The following EGFLAM variants were observed in gnomAD, a reference collection of about 807,000 sequenced individuals.
EGFLAM encodes EGF like, fibronectin type III and laminin G domains.
In EGFLAM, 79 loss-of-function variants were observed where a neutral mutation model predicts 113.1. The observed-to-expected ratio is 0.70, with a 90% CI of 0.58 to 0.84. EGFLAM has a LOEUF of 0.84. EGFLAM is among the 40% of genes least tolerant of loss of function. The pLI is 0.00. For missense variants in EGFLAM, 1,265 were observed against 1,291.6 expected, an observed-to-expected ratio of 0.98 and a Z score of 0.32; for synonymous variants, 504 against 487.6, an observed-to-expected ratio of 1.03 and a Z score of -0.44.
chr5:38,410,431 C>T (rs1741440863), intron 10 of EGFLAM, among the ~76,000 whole-genome samples: 1 of 152,196 alleles, frequency 6.6e-6, no homozygotes, highest in Admixed American at 6.5e-5. Context: ...CTGCTATCCT[C>T]TTCAGGGTAA....
intron 6 of EGFLAM, chr5:38,402,102 G>A (rs967383096): frequency 1.3e-5 from 2 of 152,200 alleles, no homozygotes; most frequent in Non-Finnish European, 2.9e-5. Context: ...GGAGATAGGA[G>A]TGGGAAAAAG....
chr5:38,274,213 G>A (rs2561139), intron 1 of EGFLAM, among the ~76,000 whole-genome samples: 98,207 of 151,814 alleles, frequency 0.65, 33,590 homozygotes, highest in African/African-American at 0.87. Flanking sequence ...GGATAGCGTC[G>A]AAACAGCAAA....
chr5:38,258,866 C>G lies in EGFLAM; in HGVS notation c.97+15C>G. On this transcript the variant is annotated intron_variant, in intron 1 of 21. Transcript: ENST00000322350. ...CCGAAAACCAGGTAATGCGCTCCTC[C>G]GCCCAGAGCCACCACGCCCCGAGCG... 1.9e-6 allele frequency: 3 copies of G among 1,604,378 alleles called. No individual in the cohort carries two copies. The highest frequency in any genetic ancestry group is 2.6e-6 in the Non-Finnish European group (3 of 1,175,058).
chr5:38,347,486 C>G (rs1224425283), intron 3 of EGFLAM, among the ~76,000 whole-genome samples: 1 of 152,080 alleles, frequency 6.6e-6, no homozygotes, highest in African/African-American at 2.4e-5. Context: ...GGCACCTAAC[C>G]AGACTGGGGC....
chr5:38,358,834 A>C (rs924915819), intron 5 of EGFLAM, among the ~76,000 whole-genome samples: 2 of 152,152 alleles, frequency 1.3e-5, no homozygotes, highest in Non-Finnish European at 1.5e-5. Flanking sequence ...AAAAGATCTG[A>C]AGAGGCAAGT....
At chr5:38,383,082 G>A (rs980082729) in intron 6 of EGFLAM, among the ~76,000 whole-genome samples, 2 of 152,216 alleles carry the variant, frequency 1.3e-5, no homozygotes, top group African/African-American at 4.8e-5. Flanking sequence ...CACCTGAAGT[G>A]GTTGACCTTG....
At position 38,418,215 on chromosome 5, in the gene EGFLAM, G is replaced by A. The variant is rs776571595; in HGVS notation, c.1644G>A (p.Arg548=). The A allele has an allele frequency of 1.7e-5, 28 of 1,613,834 alleles. No homozygotes were observed. The highest frequency in any genetic ancestry group is 6.8e-6 in the Non-Finnish European group (8 of 1,179,990). ...LAVNGRRIDM[R]PWPLGKALSG... is the part of the protein sequence containing the mutation. Reference sequence around the variant, plus strand: ...TGAATGGGAGGAGAATTGACATGAGGCCCTGGCCCCTGGGAAAAGCACTCA... The same window carrying A: ...TGAATGGGAGGAGAATTGACATGAGACCCTGGCCCCTGGGAAAAGCACTCA... Residue 548 remains arginine (R), a synonymous_variant, in exon 12 of 22, where the codon AGG becomes AGA. Transcript: ENST00000322350.
intron 12 of EGFLAM, among the ~76,000 whole-genome samples, chr5:38,418,459 A>G (rs568209537): frequency 6.6e-6 from 1 of 152,294 alleles, no homozygotes; most frequent in East Asian, 1.9e-4. Flanking sequence ...TCTGAACACC[A>G]AGATATGGTA....
At chr5:38,301,232 G>T (rs1348742605) in intron 1 of EGFLAM, among the ~76,000 whole-genome samples, 1 of 152,178 alleles carries the variant, frequency 6.6e-6, no homozygotes, top group Non-Finnish European at 1.5e-5. Context: ...CAGGGGGAAT[G>T]AAGTAAAACC....
At chr5:38,441,671 T>C (rs189917112) in intron 17 of EGFLAM, among the ~76,000 whole-genome samples, 67 of 151,814 alleles carry the variant, frequency 4.4e-4, no homozygotes, top group African/African-American at 1.5e-3. Flanking sequence ...TGAAATACAT[T>C]TGGATAATCC....
At chr5:38,329,055 C>T (rs2246458) in intron 1 of EGFLAM, among the ~76,000 whole-genome samples, 57,833 of 151,786 alleles carry the variant, frequency 0.38, 15,123 homozygotes, top group African/African-American at 0.75. Flanking sequence ...AGGGTCAAGG[C>T]GGGAGGATTG....
intron 16 of EGFLAM, 65 bp from the exon 17 acceptor site, chr5:38,438,209 GA>G: frequency 6.6e-7 from 1 of 1,520,070 alleles, no homozygotes; most frequent in Non-Finnish European, 8.9e-7. Flanking sequence ...TTTGCCAAGG[GA>G]AGCTTTAGAA....
intron 6 of EGFLAM, among the ~76,000 whole-genome samples, chr5:38,389,191 A>G (rs1740749078): frequency 6.6e-6 from 1 of 152,178 alleles, no homozygotes; most frequent in Non-Finnish European, 1.5e-5. Context: ...ACTTGACAGA[A>G]GGAAAACCCT....
At chr5:38,351,408 C>T (rs918851690) in intron 4 of EGFLAM, among the ~76,000 whole-genome samples, 4 of 152,104 alleles carry the variant, frequency 2.6e-5, no homozygotes, top group Non-Finnish European at 4.4e-5. Flanking sequence ...CGCCTGGTGA[C>T]AGCAGCACTT....
At chr5:38,398,589 A>C (rs1218287634) in intron 6 of EGFLAM, among the ~76,000 whole-genome samples, 12 of 152,244 alleles carry the variant, frequency 7.9e-5, no homozygotes. Context: ...CATAGAGAAC[A>C]GCATTTGCAA....
intron 14 of EGFLAM, among the ~76,000 whole-genome samples, 167 bp from the exon 15 acceptor site, chr5:38,431,010 C>G (rs551660200): frequency 5.9e-5 from 9 of 152,310 alleles, no homozygotes; most frequent in Non-Finnish European, 2.9e-5. Context: ...GATGCCTGCC[C>G]AGGTTGGTGA....
intron 6 of EGFLAM, among the ~76,000 whole-genome samples, chr5:38,379,051 G>A (rs536215084): frequency 6.6e-6 from 1 of 152,144 alleles, no homozygotes; most frequent in Non-Finnish European, 1.5e-5. Context: ...TTCTGGGAAT[G>A]GGAAGACATC....
At chr5:38,384,453 G>A (rs1304779393) in intron 6 of EGFLAM, among the ~76,000 whole-genome samples, 1 of 152,182 alleles carries the variant, frequency 6.6e-6, no homozygotes, top group Non-Finnish European at 1.5e-5. Context: ...AGCAGTGTGA[G>A]TGTTGCTCCC....
chr5:38,316,251 T>C (rs1738591611), intron 1 of EGFLAM, among the ~76,000 whole-genome samples: 1 of 152,080 alleles, frequency 6.6e-6, no homozygotes, highest in Non-Finnish European at 1.5e-5. Flanking sequence ...AGGCTCTCTC[T>C]AGGATTCTGA....
Sources: allele counts gnomAD v4.1 joint callset (sites outside exome capture counted in the v4.1 genomes callset), GRCh38; gene constraint gnomAD v4.1.1; transcripts MANE v1.5; gene names NCBI Gene and HGNC (gene_info 2026-07-23, HGNC 2026-07-21).